The following FANCL variants were observed in gnomAD, a reference collection of about 807,000 sequenced individuals.
The protein encoded by FANCL is E3 ubiquitin-protein ligase FANCL.
A neutral mutation model predicts 59.4 loss-of-function variants in FANCL; 69 were observed. The ratio of observed to expected loss-of-function variants is 1.16; its 90% CI spans 0.96 to 1.42. The LOEUF (loss-of-function observed/expected upper bound fraction) is 1.42. Ranked by LOEUF, FANCL falls within the 40% of genes most tolerant of loss-of-function variation. FANCL has a pLI of 0.00. For missense variants in FANCL, 519 were observed against 447.2 expected, an observed-to-expected ratio of 1.16 and a Z score of -1.45; for synonymous variants, 180 against 147.1, an observed-to-expected ratio of 1.22 and a Z score of -1.62.
chr2:58,193,493 A>C (rs1689137181), intron 7 of FANCL, among the ~76,000 whole-genome samples: 1 of 152,140 alleles, frequency 6.6e-6, no homozygotes, highest in Admixed American at 6.6e-5. Flanking sequence ...AGGTCAAATG[A>C]CTGCTACGCT....
At chr2:58,166,923 T>A (rs1038028960) in intron 7 of FANCL, among the ~76,000 whole-genome samples, 3 of 152,166 alleles carry the variant, frequency 2.0e-5, no homozygotes, top group Non-Finnish European at 4.4e-5. Flanking sequence ...CATATTTTTT[T>A]AAAAAGTGGG....
chr2:58,207,155 C>T (rs909339717), intron 5 of FANCL, among the ~76,000 whole-genome samples: 1 of 152,132 alleles, frequency 6.6e-6, no homozygotes, highest in African/African-American at 2.4e-5. Context: ...TCATTTATAA[C>T]AGAACTATGC....
intron 7 of FANCL, among the ~76,000 whole-genome samples, chr2:58,178,402 C>T (rs1687582668): frequency 6.6e-6 from 1 of 152,120 alleles, no homozygotes; most frequent in Admixed American, 6.6e-5. Context: ...TTGGTTTCAA[C>T]CCTAGGATTC....
chr2:58,173,353 A>C (rs1037429375), intron 7 of FANCL, among the ~76,000 whole-genome samples: 1 of 152,204 alleles, frequency 6.6e-6, no homozygotes, highest in East Asian at 1.9e-4. Context: ...CCAAAGTTGA[A>C]ATGAAGGAAA....
chr2:58,159,369 G>T lies in FANCL; in HGVS notation c.*396C>A. On this transcript the variant is annotated 3_prime_UTR_variant, in exon 14 of 14. Transcript: ENST00000233741. ...CATAGGAAAGCACAAGGAGAAGACA[G>T]AAATATCAAGAGTCTCAAGAACCTT... is the stretch of plus-strand genomic sequence containing the variant. The T allele has an allele frequency of 6.2e-7, 1 of 1,608,204 alleles. No individual in the cohort carries two copies. The highest frequency in any genetic ancestry group is 8.5e-7 in the Non-Finnish European group (1 of 1,177,912).
At chr2:58,161,434 C>CAGATTTT in intron 12 of FANCL, 88 bp downstream of exon 12, 1 of 883,854 alleles carries the variant, frequency 1.1e-6, no homozygotes, top group East Asian at 2.4e-5. Context: ...ATTGACTCAA[C>CAGATTTT]AGATTTTAGA....
At chr2:58,165,901 G>C (rs763452293) in intron 7 of FANCL, 27 bp from the exon 8 acceptor site, 1 of 1,606,662 alleles carries the variant, frequency 6.2e-7, no homozygotes, top group African/African-American at 1.3e-5. Context: ...AGTTGAATAA[G>C]TTATATGGTA....
At chr2:58,230,700 T>C (rs1204602999) in intron 2 of FANCL, among the ~76,000 whole-genome samples, 5 of 152,100 alleles carry the variant, frequency 3.3e-5, no homozygotes, top group African/African-American at 1.2e-4. Context: ...CCCTATCTCC[T>C]CTCTTAGTGG....
At chr2:58,161,449 G>A in intron 12 of FANCL, 73 bp downstream of exon 12, 2 of 950,414 alleles carry the variant, frequency 2.1e-6, no homozygotes, top group Non-Finnish European at 3.5e-6. Flanking sequence ...TTTAGATTCT[G>A]TGTATTTCAA....
intron 7 of FANCL, among the ~76,000 whole-genome samples, chr2:58,179,308 G>C (rs529832410): frequency 3.3e-4 from 51 of 152,294 alleles, no homozygotes; most frequent in African/African-American, 1.2e-3. Flanking sequence ...AAAGCTGGAA[G>C]CATCATGCTA....
At chr2:58,202,100 T>C (rs983178855) in intron 6 of FANCL, among the ~76,000 whole-genome samples, 8 of 151,664 alleles carry the variant, frequency 5.3e-5, no homozygotes, top group African/African-American at 1.4e-4. Flanking sequence ...TCTTTTTTTT[T>C]CCCTAAAATT....
chr2:58,227,339 T>C (rs561449827), intron 3 of FANCL, among the ~76,000 whole-genome samples: 7 of 152,342 alleles, frequency 4.6e-5, no homozygotes, highest in Non-Finnish European at 8.8e-5. Context: ...GAACTTTCTG[T>C]ATCCCGTGGT....
chr2:58,240,461 A>C (rs1322316992), intron 1 of FANCL, among the ~76,000 whole-genome samples: 1 of 152,238 alleles, frequency 6.6e-6, no homozygotes, highest in African/African-American at 2.4e-5. Context: ...CGTTTAAGGG[A>C]TTCTGATGTG....
intron 7 of FANCL, among the ~76,000 whole-genome samples, chr2:58,167,307 ATACTT>A (rs1295482909): frequency 4.6e-5 from 7 of 152,250 alleles, no homozygotes. Context: ...CTCTTCTGGT[ATACTT>A]TACTTACCTG....
At chr2:58,206,796 T>C (rs1690630739) in intron 5 of FANCL, among the ~76,000 whole-genome samples, 1 of 152,216 alleles carries the variant, frequency 6.6e-6, no homozygotes, top group Non-Finnish European at 1.5e-5. Context: ...TAAAAAACAT[T>C]TATACTTTCA....
chr2:58,160,823 C>T (rs1207715674), intron 12 of FANCL, among the ~76,000 whole-genome samples: 1 of 151,906 alleles, frequency 6.6e-6, no homozygotes, highest in Non-Finnish European at 1.5e-5. Flanking sequence ...ACAGACGGCA[C>T]CAACTGCTAC....
intron 7 of FANCL, among the ~76,000 whole-genome samples, chr2:58,168,002 T>G (rs967911377): frequency 6.6e-6 from 1 of 152,122 alleles, no homozygotes; most frequent in African/African-American, 2.4e-5. Flanking sequence ...TTTCTAAATA[T>G]TACCAATGGA....
At position 58,209,275 on chromosome 2, in the gene FANCL, G is replaced by A. The variant is rs138500831; in HGVS notation, c.375-5049C>T. Among the ~76,000 whole-genome samples, 116 of 152,270 alleles carry A rather than the reference G, an allele frequency of 7.6e-4. 1 individual carries two copies. Among genetic ancestry groups the A allele is most frequent in the Admixed American group, 3.3e-4 (5 of 15,290 alleles). ...TATGACAATGTAGAGGATGTTGTCA[G>A]ACTGGTTCACATTTACTGATTCATG... On this transcript the variant is annotated intron_variant, in intron 5 of 13. Coordinates refer to ENST00000233741, the MANE Select transcript of FANCL (RefSeq NM_018062.4).
intron 2 of FANCL, 113 bp downstream of exon 2, chr2:58,231,941 G>T: frequency 1.2e-6 from 1 of 831,570 alleles, no homozygotes; most frequent in Non-Finnish European, 2.0e-6. Flanking sequence ...TGGGGCAAAT[G>T]ACTAATAAGC....
Sources: gnomAD v4.1 joint callset for allele counts (sites outside exome capture counted in the v4.1 genomes callset) on GRCh38, gnomAD v4.1.1 for gene constraint, MANE v1.5 for transcripts, NCBI Gene and HGNC (gene_info 2026-07-23, HGNC 2026-07-21) for gene names.